The following CCSER1 variants were observed in gnomAD, a reference collection of about 807,000 sequenced individuals.
CCSER1 encodes serine-rich coiled-coil domain-containing protein 1.
Under a neutral mutation model 82.0 loss-of-function variants are expected in CCSER1, and 41 were observed. The observed-to-expected ratio is 0.50, with a 90% CI of 0.39 to 0.65. The LOEUF is 0.65. Among genes scored for constraint, CCSER1 ranks in the 30% least tolerant of loss-of-function variants. The probability of loss-of-function intolerance (pLI) is 0.00; values close to 1 mark genes in which losing one functional copy is unlikely to be tolerated. For synonymous variants in CCSER1, 414 were observed against 383.9 expected, an observed-to-expected ratio of 1.08 and a Z score of -0.92; for missense variants, 1,119 against 1,064.2, an observed-to-expected ratio of 1.05 and a Z score of -0.72.
At chr4:90,656,235 G>A (rs1729679380) in intron 6 of CCSER1, among the ~76,000 whole-genome samples, 1 of 151,748 alleles carries the variant, frequency 6.6e-6, no homozygotes, top group African/African-American at 2.4e-5. Flanking sequence ...TCTCCTTTGT[G>A]TCCTGCAAGT....
intron 4 of CCSER1, among the ~76,000 whole-genome samples, chr4:90,459,455 T>C (rs1304161535): frequency 6.6e-6 from 1 of 152,226 alleles, no homozygotes; most frequent in African/African-American, 2.4e-5. Context: ...AAAGGTATTA[T>C]TGTCTTGGTG....
intron 10 of CCSER1, among the ~76,000 whole-genome samples, chr4:91,196,133 G>A (rs75364505): frequency 3.4e-5 from 5 of 146,702 alleles, no homozygotes; most frequent in Non-Finnish European, 5.9e-5. Flanking sequence ...CTTGCAGTGA[G>A]CAGAGATTGC....
At chr4:91,101,326 TACAC>T (rs1725035440) in intron 10 of CCSER1, among the ~76,000 whole-genome samples, 2 of 152,192 alleles carry the variant, frequency 1.3e-5, no homozygotes, top group Non-Finnish European at 2.9e-5. Flanking sequence ...GTTGGAGACA[TACAC>T]ACATAAGTTA....
At chr4:90,628,494 C>T (rs1270136664) in intron 6 of CCSER1, among the ~76,000 whole-genome samples, 3 of 152,114 alleles carry the variant, frequency 2.0e-5, no homozygotes, top group African/African-American at 7.2e-5. Flanking sequence ...CCCTATTTGT[C>T]AGGTAAGGAG....
intron 10 of CCSER1, among the ~76,000 whole-genome samples, chr4:91,396,328 T>C (rs1211309079): frequency 6.6e-6 from 1 of 152,118 alleles, no homozygotes; most frequent in Non-Finnish European, 1.5e-5. Context: ...GTTCTGGAAT[T>C]ACTTGATAGG....
chr4:90,410,172 A>C (rs1754466854), intron 4 of CCSER1, among the ~76,000 whole-genome samples: 1 of 152,196 alleles, frequency 6.6e-6, no homozygotes, highest in African/African-American at 2.4e-5. Flanking sequence ...ATTCCCACAC[A>C]ATAATAATGG....
intron 9 of CCSER1, among the ~76,000 whole-genome samples, chr4:91,040,541 AG>A (rs1741870084): frequency 6.6e-6 from 1 of 152,190 alleles, no homozygotes; most frequent in Admixed American, 6.6e-5. Context: ...AAGAAGGAAA[AG>A]GCATCCTATG....
chr4:91,358,016 C>G (rs1004981865), intron 10 of CCSER1, among the ~76,000 whole-genome samples: 31 of 151,398 alleles, frequency 2.0e-4, no homozygotes, highest in African/African-American at 7.3e-4. Context: ...TAGCAAACTT[C>G]ACTTTTGTTG....
At chr4:90,994,943 T>C (rs1737361518) in intron 9 of CCSER1, among the ~76,000 whole-genome samples, 1 of 152,298 alleles carries the variant, frequency 6.6e-6, no homozygotes, top group South Asian at 2.1e-4. Context: ...CTAAATGCAG[T>C]TATTATCAAG....
At chr4:91,241,360 C>T (rs1390778413) in intron 10 of CCSER1, among the ~76,000 whole-genome samples, 1 of 139,624 alleles carries the variant, frequency 7.2e-6, no homozygotes, top group Non-Finnish European at 1.5e-5. Flanking sequence ...GAGTCTTGCT[C>T]TGTCGCCCAG....
intron 10 of CCSER1, among the ~76,000 whole-genome samples, chr4:91,430,909 GT>G (rs1304668240): frequency 1.3e-5 from 2 of 152,128 alleles, no homozygotes; most frequent in African/African-American, 4.8e-5. Context: ...TAAACAATCT[GT>G]TTTATTGTAT....
chr4:91,586,669 G>T (rs1253870747), intron 10 of CCSER1, among the ~76,000 whole-genome samples: 1 of 151,690 alleles, frequency 6.6e-6, no homozygotes, highest in Non-Finnish European at 1.5e-5. Context: ...ACAAGGTAGG[G>T]GTGATGGTGA....
intron 9 of CCSER1, among the ~76,000 whole-genome samples, chr4:90,938,458 G>C (rs892431777): frequency 6.6e-6 from 1 of 151,934 alleles, no homozygotes; most frequent in Non-Finnish European, 1.5e-5. Flanking sequence ...TTTGGTAATA[G>C]AGCATGTTTA....
Position 91,209,431 on chromosome 4 carries a change from A to G in CCSER1, c.2217+123437A>G, listed in dbSNP as rs1453066487. 4.0e-5 allele frequency among the ~76,000 whole-genome samples: 6 copies of G among 151,880 alleles called. No individual in the cohort carries two copies. The East Asian group carries it at 1.2e-3, about 29-fold the overall frequency. On this transcript the variant is annotated intron_variant, in intron 10 of 10. Coordinates refer to ENST00000509176, the MANE Select transcript of CCSER1 (RefSeq NM_001145065.2). ...AGACTTTTAACATGAAGGTATGTTG[A>G]ATTTTATTGAAAGCCTTTCCTGCAT...
intron 10 of CCSER1, among the ~76,000 whole-genome samples, chr4:91,265,432 T>G (rs988143135): frequency 6.6e-6 from 1 of 151,980 alleles, no homozygotes; most frequent in African/African-American, 2.4e-5. Context: ...ATAACATATG[T>G]TCCTGTCAAA....
intron 6 of CCSER1, among the ~76,000 whole-genome samples, chr4:90,722,378 T>G (rs1742823249): frequency 6.6e-6 from 1 of 151,830 alleles, no homozygotes; most frequent in African/African-American, 2.4e-5. Context: ...TTTTTCTGTG[T>G]TTTTCAGCAT....
At chr4:91,281,273 A>G (rs1250758132) in intron 10 of CCSER1, among the ~76,000 whole-genome samples, 2 of 152,120 alleles carry the variant, frequency 1.3e-5, no homozygotes, top group African/African-American at 4.8e-5. Flanking sequence ...AAATGTGATT[A>G]TCTATTCACT....
intron 10 of CCSER1, among the ~76,000 whole-genome samples, chr4:91,405,557 C>A (rs1752645016): frequency 6.6e-6 from 1 of 152,196 alleles, no homozygotes; most frequent in Admixed American, 6.5e-5. Flanking sequence ...TACAATCTAC[C>A]TACTGAAGCC....
At chr4:90,706,356 G>A (rs1390607307) in intron 6 of CCSER1, among the ~76,000 whole-genome samples, 3 of 152,112 alleles carry the variant, frequency 2.0e-5, no homozygotes, top group African/African-American at 7.2e-5. Context: ...TAAGGCGGGA[G>A]GATCTCTTAA....
Sources: allele counts gnomAD v4.1 joint callset (sites outside exome capture counted in the v4.1 genomes callset), GRCh38; gene constraint gnomAD v4.1.1; transcripts MANE v1.5; gene names NCBI Gene and HGNC (gene_info 2026-07-23, HGNC 2026-07-21).